SLC25A21: variants seen among roughly 807,000 people sequenced by gnomAD.
SLC25A21 encodes the protein mitochondrial 2-oxodicarboxylate carrier.
In SLC25A21, 47 loss-of-function variants were observed where a neutral mutation model predicts 43.8. The observed-to-expected ratio is 1.07, with a 90% CI of 0.85 to 1.37. The LOEUF is 1.37. Among genes scored for constraint, SLC25A21 ranks in the 40% most tolerant of loss-of-function variants. The pLI is 0.00. For synonymous variants in SLC25A21, 131 were observed against 121.3 expected (o/e 1.08, Z -0.52); for missense variants, 352 against 350.2 (o/e 1.00, Z -0.04).
intron 2 of SLC25A21, among the ~76,000 whole-genome samples, chr14:36,854,750 T>A (rs1399287639): frequency 6.6e-6 from 1 of 152,084 alleles, no homozygotes; most frequent in Non-Finnish European, 1.5e-5. Context: ...AAAAGACTGG[T>A]TGGGATCCTA....
At chr14:37,028,737 T>C (rs1961144916) in intron 1 of SLC25A21, among the ~76,000 whole-genome samples, 1 of 152,190 alleles carries the variant, frequency 6.6e-6, no homozygotes, top group Non-Finnish European at 1.5e-5. Context: ...TAGAGCATTT[T>C]TTAATGCACT....
chr14:36,860,816 T>C (rs1206266990), intron 2 of SLC25A21, among the ~76,000 whole-genome samples: 2 of 152,208 alleles, frequency 1.3e-5, no homozygotes, highest in Admixed American at 6.5e-5. Context: ...TTCATCGCAA[T>C]GTTGTATTAT....
At position 36,887,211 on chromosome 14, in the gene SLC25A21, C is replaced by CATAT. The variant is rs3985278; in HGVS notation, c.71-12211_71-12208dup. Among the ~76,000 whole-genome samples, 881 of 148,708 alleles carry CATAT rather than the reference C, an allele frequency of 5.9e-3. 6 individuals are homozygous for CATAT. Among genetic ancestry groups the CATAT allele is most frequent in the African/African-American group, 0.02 (823 of 40,440 alleles). ...TGTAATGCATGCACATGTGTGTCTACATATATATATATATATATATTCATT... is the reference window on the plus strand; with the variant it reads ...TGTAATGCATGCACATGTGTGTCTACATATATATATATATATATATATATTCATT... On this transcript the variant is annotated intron_variant, in intron 1 of 9. Transcript: ENST00000331299.
intron 1 of SLC25A21, among the ~76,000 whole-genome samples, chr14:37,026,099 A>G (rs1806118049): frequency 6.6e-6 from 1 of 152,112 alleles, no homozygotes; most frequent in South Asian, 2.1e-4. Flanking sequence ...AAAAGAAGCA[A>G]TCTTCAACTA....
intron 1 of SLC25A21, among the ~76,000 whole-genome samples, chr14:37,140,085 T>C (rs1262290406): frequency 1.3e-5 from 2 of 152,192 alleles, no homozygotes; most frequent in Admixed American, 1.3e-4. Context: ...AATATTAATG[T>C]CCAGGTTTGT....
chr14:36,804,498 C>T (rs1392087428), intron 3 of SLC25A21, among the ~76,000 whole-genome samples: 2 of 152,146 alleles, frequency 1.3e-5, no homozygotes, highest in African/African-American at 2.4e-5. Context: ...CATCCTCCTA[C>T]CTGCTAGGGC....
At chr14:36,861,751 C>T (rs1390991709) in intron 2 of SLC25A21, among the ~76,000 whole-genome samples, 1 of 152,188 alleles carries the variant, frequency 6.6e-6, no homozygotes, top group African/African-American at 2.4e-5. Context: ...TTTTGCTTTA[C>T]TTCTTGAATT....
Position 36,962,419 on chromosome 14 carries a change from GTTCATCC to G in SLC25A21, c.71-87422_71-87416del, listed in dbSNP as rs1278448185. ...TGTTGTACATTTGATCTCTAGATTT[GTTCATCC>G]TACATATCTGCTGTTTTATATCCTT... On this transcript the variant is annotated intron_variant, in intron 1 of 9. Coordinates refer to ENST00000331299, the MANE Select transcript of SLC25A21 (RefSeq NM_030631.4). Among the ~76,000 whole-genome samples, 8 of 152,128 alleles carry G rather than the reference GTTCATCC, an allele frequency of 5.3e-5. No individual in the cohort carries two copies. In the East Asian group the frequency reaches 1.5e-3, roughly 29 times the overall value.
chr14:36,936,275 G>T (rs1429803851), intron 1 of SLC25A21, among the ~76,000 whole-genome samples: 1 of 152,154 alleles, frequency 6.6e-6, no homozygotes, highest in Non-Finnish European at 1.5e-5. Context: ...GACTGGATGA[G>T]CTATTATCTC....
intron 7 of SLC25A21, among the ~76,000 whole-genome samples, chr14:36,710,179 G>C (rs1044842130): frequency 2.0e-5 from 3 of 152,018 alleles, no homozygotes; most frequent in Admixed American, 1.3e-4. Flanking sequence ...GAGGTCAGGA[G>C]TTTGAGACCA....
At chr14:36,775,590 G>C (rs848122) in intron 3 of SLC25A21, among the ~76,000 whole-genome samples, 1 of 151,962 alleles carries the variant, frequency 6.6e-6, no homozygotes, top group East Asian at 1.9e-4. Context: ...GCAAGACTTC[G>C]AATAATGGGT....
chr14:36,833,693 C>A (rs698294), intron 2 of SLC25A21, among the ~76,000 whole-genome samples: 146,036 of 152,278 alleles, frequency 0.96, 70,322 homozygotes, highest in East Asian at 1. Context: ...GGTTATGTCC[C>A]ACCAACAGGA....
chr14:37,142,788 G>A (rs1963592927), intron 1 of SLC25A21, among the ~76,000 whole-genome samples: 2 of 152,210 alleles, frequency 1.3e-5, no homozygotes, highest in South Asian at 2.1e-4. Flanking sequence ...CTGTCAGAAT[G>A]AATTGTAAAT....
chr14:36,866,533 C>T (rs558490725), intron 2 of SLC25A21, among the ~76,000 whole-genome samples: 2 of 152,168 alleles, frequency 1.3e-5, no homozygotes, highest in African/African-American at 4.8e-5. Flanking sequence ...ATGCCACTTT[C>T]TCCACACAGG....
chr14:36,693,959 A>T (rs1882902848), intron 7 of SLC25A21, among the ~76,000 whole-genome samples: 1 of 152,194 alleles, frequency 6.6e-6, no homozygotes, highest in Non-Finnish European at 1.5e-5. Context: ...CATGTGCACA[A>T]TGTGCAGGTT....
At chr14:36,796,921 C>T (rs1887694609) in intron 3 of SLC25A21, among the ~76,000 whole-genome samples, 1 of 152,194 alleles carries the variant, frequency 6.6e-6, no homozygotes, top group South Asian at 2.1e-4. Flanking sequence ...CCATTTCTAA[C>T]TCTGCAACCA....
chr14:37,161,271 A>G (rs1450050993), intron 1 of SLC25A21, among the ~76,000 whole-genome samples: 1 of 152,196 alleles, frequency 6.6e-6, no homozygotes, highest in Non-Finnish European at 1.5e-5. Flanking sequence ...GAAATTCTGC[A>G]AAGATTAGAT....
chr14:36,905,991 C>G (rs1389552540), intron 1 of SLC25A21, among the ~76,000 whole-genome samples: 1 of 151,938 alleles, frequency 6.6e-6, no homozygotes, highest in Non-Finnish European at 1.5e-5. Flanking sequence ...CAGAAGTCAC[C>G]CAGGGTTTCC....
At chr14:36,808,348 G>A (rs1566633208) in intron 3 of SLC25A21, among the ~76,000 whole-genome samples, 1 of 152,172 alleles carries the variant, frequency 6.6e-6, no homozygotes, top group African/African-American at 2.4e-5. Context: ...GCAATGATTA[G>A]ATTGAGTCTT....
Sources: allele counts gnomAD v4.1 joint callset (sites outside exome capture counted in the v4.1 genomes callset), GRCh38; gene constraint gnomAD v4.1.1; transcripts MANE v1.5; gene names NCBI Gene and HGNC (gene_info 2026-07-23, HGNC 2026-07-21).